OR7C1: variants seen among roughly 807,000 people sequenced by gnomAD.
OR7C1 encodes olfactory receptor family 7 subfamily C member 1.
For missense variants in OR7C1, 324 were observed against 383.3 expected (o/e 0.85, Z 1.29); for synonymous variants, 152 against 160.7 (o/e 0.95, Z 0.41).
chr19:14,831,732 C>T (rs1027696051), intron 1 of OR7C1, among the ~76,000 whole-genome samples: 2 of 149,634 alleles, frequency 1.3e-5, no homozygotes, highest in African/African-American at 2.5e-5. Flanking sequence ...CGTGAGCCAC[C>T]GCGCCTGGCC....
chr19:14,813,676 G>A (rs1053975119), intron 1 of OR7C1, among the ~76,000 whole-genome samples: 17 of 152,064 alleles, frequency 1.1e-4, no homozygotes, highest in East Asian at 1.9e-4. Flanking sequence ...AGCAAGACAC[G>A]TCTTCACAAG....
intron 1 of OR7C1, among the ~76,000 whole-genome samples, chr19:14,830,916 T>G (rs1387962539): frequency 6.6e-6 from 1 of 152,184 alleles, no homozygotes; most frequent in Non-Finnish European, 1.5e-5. Context: ...GCAAGTTAGC[T>G]CACTGCAACC....
intron 1 of OR7C1, among the ~76,000 whole-genome samples, chr19:14,834,597 A>G (rs969599832): frequency 1.1e-4 from 17 of 152,332 alleles, no homozygotes; most frequent in Non-Finnish European, 2.4e-4. Context: ...ACGCATTATG[A>G]ACTGCTGTTG....
At chr19:14,809,584 AAAGCAAGAAGAAACAGAGATTGG>A (rs1568249033) in intron 2 of OR7C1, among the ~76,000 whole-genome samples, 199 bp downstream of exon 2, 3 of 151,012 alleles carry the variant, frequency 2.0e-5, no homozygotes, top group East Asian at 3.9e-4. Flanking sequence ...ACAGAGATTG[AAAGCAAGAAGAAACAGAGATTGG>A]AAGCAAGAAG....
chr19:14,833,617 A>C (rs959049511), intron 1 of OR7C1, among the ~76,000 whole-genome samples: 6 of 152,250 alleles, frequency 3.9e-5, no homozygotes, highest in Non-Finnish European at 8.8e-5. Flanking sequence ...GAATATTTTA[A>C]ACTTTTTATG....
chr19:14,802,580 A>C lies in OR7C1; in HGVS notation c.-434-1816T>G, dbSNP rs376739597. On this transcript the variant is annotated intron_variant, in intron 2 of 4. Transcript: ENST00000641666. The stretch of plus-strand genomic sequence containing the variant: ...GGACTGCTGAAGGAATAACACAAGG[A>C]GCTTACCTTTACCTACCTTGAAACC... Among the ~76,000 whole-genome samples, 7 of 152,342 alleles carry C rather than the reference A, an allele frequency of 4.6e-5. No homozygotes were observed. In the East Asian group the frequency reaches 1.2e-3, roughly 25 times the overall value.
chr19:14,809,542 C>T (rs186455740), intron 2 of OR7C1, among the ~76,000 whole-genome samples: 45 of 150,650 alleles, frequency 3.0e-4, no homozygotes, highest in Non-Finnish European at 4.9e-4. Flanking sequence ...AGATTGGAAG[C>T]AAGAAGAAAC....
chr19:14,828,887 A>C (rs999891721), intron 1 of OR7C1, among the ~76,000 whole-genome samples: 16 of 152,090 alleles, frequency 1.1e-4, no homozygotes, highest in African/African-American at 3.9e-4. Flanking sequence ...GAGAAACAAA[A>C]GTCCCTACAA....
intron 1 of OR7C1, among the ~76,000 whole-genome samples, chr19:14,822,740 A>G (rs2044747154): frequency 6.6e-6 from 1 of 151,992 alleles, no homozygotes; most frequent in African/African-American, 2.4e-5. Context: ...CATTGTGGTT[A>G]TAATGTACAT....
intron 1 of OR7C1, among the ~76,000 whole-genome samples, chr19:14,814,151 C>T (rs775889818): frequency 2.0e-5 from 3 of 147,950 alleles, no homozygotes; most frequent in South Asian, 2.1e-4. Context: ...GAAGCACAGG[C>T]GACAAAAGGA....
Position 14,827,502 on chromosome 19 carries a change from A to C in OR7C1, c.-623+7572T>G, listed in dbSNP as rs112351188. 445 of 1,614,152 alleles carry C rather than the reference A, an allele frequency of 2.8e-4. 1 individual carries two copies. The African/African-American group carries it at 5.3e-3, about 19-fold the overall frequency. Reference sequence around the variant, plus strand: ...GATTGCACCATAAAATAAGGAGACAACTGAGAGGTGAGATGCACAGGTGGA... The same window carrying C: ...GATTGCACCATAAAATAAGGAGACACCTGAGAGGTGAGATGCACAGGTGGA... On this transcript the variant is annotated intron_variant, in intron 1 of 4. Transcript: ENST00000641666.
chr19:14,831,601 T>C (rs8113118), intron 1 of OR7C1, among the ~76,000 whole-genome samples: 29,243 of 151,948 alleles, frequency 0.19, 3,473 homozygotes, highest in African/African-American at 0.33. Context: ...CCCGCCACTG[T>C]GCCCGGCTAA....
intron 1 of OR7C1, chr19:14,828,041 G>A (rs751059842): frequency 1.2e-6 from 2 of 1,614,116 alleles, no homozygotes; most frequent in African/African-American, 2.7e-5. Context: ...TGTCAGCAAA[G>A]GACAGGTTGG....
chr19:14,829,795 T>C (rs1379696080), intron 1 of OR7C1, among the ~76,000 whole-genome samples: 1 of 152,216 alleles, frequency 6.6e-6, no homozygotes, highest in East Asian at 1.9e-4. Context: ...ATAAAATATA[T>C]TGAGGCCAGG....
At chr19:14,803,381 G>C (rs925097768) in intron 2 of OR7C1, among the ~76,000 whole-genome samples, 1 of 151,424 alleles carries the variant, frequency 6.6e-6, no homozygotes, top group Non-Finnish European at 1.5e-5. Flanking sequence ...GAAGCTGGCT[G>C]CTCCATCCTA....
intron 2 of OR7C1, among the ~76,000 whole-genome samples, chr19:14,804,467 A>AAAGT (rs1568247741): frequency 1.3e-5 from 2 of 152,146 alleles, no homozygotes; most frequent in African/African-American, 4.8e-5. Flanking sequence ...CAGAGTCGCC[A>AAAGT]CACTATAATA....
chr19:14,824,087 A>T (rs906953730), intron 1 of OR7C1, among the ~76,000 whole-genome samples: 1 of 152,164 alleles, frequency 6.6e-6, no homozygotes, highest in East Asian at 1.9e-4. Context: ...CTAGATAATA[A>T]GTGTATCCAT....
rs138288881 is a variant in OR7C1 at position 14,805,854 on chromosome 19, C to G, written c.-435+3952G>C. ...AGTCACAAACTTTGAGAGGGACCAG[C>G]TATTTTTATTATCCCATTTATATAA... is the stretch of plus-strand genomic sequence containing the variant. On this transcript the variant is annotated intron_variant, in intron 2 of 4. Transcript: ENST00000641666. 8.2e-3 allele frequency among the ~76,000 whole-genome samples: 1,243 copies of G among 152,004 alleles called. 41 individuals are homozygous for G. The highest frequency in any genetic ancestry group is 0.029 in the African/African-American group (1,192 of 41,302).
intron 1 of OR7C1, among the ~76,000 whole-genome samples, chr19:14,815,784 CGTGTGTGTGTGTGTGTGT>C (rs34655691): frequency 6.8e-6 from 1 of 146,626 alleles, no homozygotes; most frequent in African/African-American, 2.5e-5. Context: ...TGAGTTTGTG[CGTGTGTGTGTGTGTGTGT>C]GTGTGTGTGT....
Sources: gnomAD v4.1 joint callset for allele counts (sites outside exome capture counted in the v4.1 genomes callset) on GRCh38, gnomAD v4.1.1 for gene constraint, MANE v1.5 for transcripts, NCBI Gene and HGNC (gene_info 2026-07-23, HGNC 2026-07-21) for gene names.